Variants in CLCA4 observed in about 807,000 individuals in gnomAD.
CLCA4 encodes calcium-activated chloride channel regulator 4.
A neutral mutation model predicts 78.9 loss-of-function variants in CLCA4; 69 were observed. The observed-to-expected ratio is 0.87, with a 90% confidence interval of 0.72 to 1.07. CLCA4 has a LOEUF of 1.07. Among genes scored for constraint, CLCA4 ranks in the 50% least tolerant of loss-of-function variants. CLCA4 has a pLI of 0.00. For synonymous variants in CLCA4, 362 were observed against 375.8 expected, an observed-to-expected ratio of 0.96 and a Z score of 0.42; for missense variants, 1,133 against 1,095.8, an observed-to-expected ratio of 1.03 and a Z score of -0.48.
In CLCA4 at chr1:86,563,713, G is replaced by A. The variant is rs933481653; in HGVS notation, c.501G>A (p.Glu167=). 4 of 1,610,218 alleles carry A rather than the reference G, an allele frequency of 2.5e-6. No homozygotes were observed. The highest frequency in any genetic ancestry group is 3.4e-6 in the Non-Finnish European group (4 of 1,177,882). The part of the protein sequence containing the change: ...WAHLRWGVFD[E]YNEDQPFYRA... Reference sequence around the variant, plus strand: ...ACCTCCGGTGGGGAGTGTTTGATGAGTACAATGAAGATCAGCCTTTCTACC... The same window carrying A: ...ACCTCCGGTGGGGAGTGTTTGATGAATACAATGAAGATCAGCCTTTCTACC... The change falls in exon 4 of 14, where the codon GAG becomes GAA. Residue 167 remains glutamate, a synonymous_variant. Transcript: ENST00000370563.
chr1:86,550,802 T>C (rs1256436117), intron 1 of CLCA4, among the ~76,000 whole-genome samples: 1 of 150,048 alleles, frequency 6.7e-6, no homozygotes, highest in Admixed American at 6.6e-5. Context: ...TATTTCCTCA[T>C]GAGATAATAA....
Position 86,565,849 on chromosome 1 carries a change from C to G in CLCA4, c.783C>G (p.Ser261Arg). The change falls in exon 6 of 14, where the codon AGC (serine) becomes AGG (arginine). Residue 261 changes from serine to arginine, a missense_variant. Transcript: ENST00000370563. ...NEKTHNQEAP[S>R]LQNIKCNFRS... ...AAACCCATAATCAAGAAGCTCCAAG[C>G]CTACAAAACATAAAGTGCAATTTTA... 1 of 1,594,374 alleles carries G rather than the reference C, an allele frequency of 6.3e-7. No individual in the cohort carries two copies. The highest frequency in any genetic ancestry group is 8.6e-7 in the Non-Finnish European group (1 of 1,169,074).
rs575032380 is a variant in CLCA4, at chr1:86,558,250, A to G, written c.160-1682A>G. Reference sequence around the variant, plus strand: ...CTTGTCATTGTTTTGTTGGCTAGATATTATGTTGACTTGTTTGAGTGACAC... The same window carrying G: ...CTTGTCATTGTTTTGTTGGCTAGATGTTATGTTGACTTGTTTGAGTGACAC... On this transcript the variant is annotated intron_variant, in intron 1 of 13. Transcript: ENST00000370563. 2.6e-5 allele frequency among the ~76,000 whole-genome samples: 4 copies of G among 152,228 alleles called. No individual in the cohort carries two copies. The East Asian group carries it at 7.7e-4, about 29-fold the overall frequency.
At chr1:86,569,107 GT>G (rs1330424249) in intron 7 of CLCA4, among the ~76,000 whole-genome samples, 2 of 152,150 alleles carry the variant, frequency 1.3e-5, no homozygotes, top group Admixed American at 1.3e-4. Context: ...ATGTATATAA[GT>G]GGGGAACAGA....
At position 86,569,068 on chromosome 1, in the gene CLCA4, C is replaced by T. The variant is rs1391860782; in HGVS notation, c.1182+1417C>T. ...TATGAACATGCTTTAATCTATTCAC[C>T]AAGCAAAGCTTTTTCACTCTTATGG... On this transcript the variant is annotated intron_variant, in intron 7 of 13. Coordinates refer to ENST00000370563, the MANE Select transcript of CLCA4 (RefSeq NM_012128.4). Among the ~76,000 whole-genome samples, 5 of 151,918 alleles carry T rather than the reference C, an allele frequency of 3.3e-5. 1 individual carries two copies. The highest frequency in any genetic ancestry group is 7.4e-5 in the Non-Finnish European group (5 of 67,916).
At chr1:86,551,511 T>TG (rs1649662314) in intron 1 of CLCA4, among the ~76,000 whole-genome samples, 1 of 152,180 alleles carries the variant, frequency 6.6e-6, no homozygotes, top group Admixed American at 6.5e-5. Flanking sequence ...GCTCACTCCC[T>TG]GAGGCAGCAC....
At position 86,553,241 on chromosome 1, in the gene CLCA4, C is replaced by A. The variant is rs1017738212; in HGVS notation, c.159+5963C>A. On this transcript the variant is annotated intron_variant, in intron 1 of 13. Transcript: ENST00000370563. The stretch of plus-strand genomic sequence containing the variant: ...CCAGGGACATGTCCAAGAGGGACTG[C>A]CGCTGCAAGCTGTACGAGGACACGG... The A allele has an allele frequency of 1.3e-5, 13 of 997,288 alleles. No homozygotes were observed. In the South Asian group the frequency reaches 1.6e-4, roughly 12 times the overall value. 61.8% of individuals were successfully genotyped at this position (997,288 alleles called of 1,614,324 possible).
intron 3 of CLCA4, among the ~76,000 whole-genome samples, chr1:86,563,141 T>A (rs543246195): frequency 1.7e-4 from 26 of 151,994 alleles, no homozygotes; most frequent in African/African-American, 5.1e-4. Context: ...ATTAAAAAAA[T>A]TTTTTATTTG....
At chr1:86,564,977 A>G (rs755039637) in intron 4 of CLCA4, among the ~76,000 whole-genome samples, 4 of 152,092 alleles carry the variant, frequency 2.6e-5, no homozygotes, top group Non-Finnish European at 5.9e-5. Flanking sequence ...TTTACCACCA[A>G]AAGTCCAGCA....
intron 1 of CLCA4, chr1:86,553,029 C>A (rs1305471007): frequency 3.2e-6 from 2 of 633,408 alleles, no homozygotes; most frequent in African/African-American, 1.8e-5. Flanking sequence ...CCCCCTCCTG[C>A]TCCCACGCCG....
chr1:86,579,904 C>A (rs2231603), intron 13 of CLCA4, 38 bp from the exon 14 acceptor site: 2 of 1,293,484 alleles, frequency 1.5e-6, no homozygotes, highest in Admixed American at 4.4e-5. Context: ...ATATGCTATG[C>A]TGCAGTCTCT....
At chr1:86,552,731 C>A (rs1649703668) in intron 1 of CLCA4, 2 of 1,432,766 alleles carry the variant, frequency 1.4e-6, no homozygotes, top group Admixed American at 3.4e-5. Context: ...TTCACAGGGG[C>A]CCGGCCCGGC....
intron 8 of CLCA4, among the ~76,000 whole-genome samples, 158 bp from the exon 9 acceptor site, chr1:86,572,456 G>A (rs1260829347): frequency 1.3e-5 from 2 of 151,910 alleles, no homozygotes; most frequent in Admixed American, 6.6e-5. Context: ...ATTTTAAAAT[G>A]AGCATTTCAG....
intron 1 of CLCA4, among the ~76,000 whole-genome samples, chr1:86,552,233 A>G (rs1249686397): frequency 6.6e-6 from 1 of 152,206 alleles, no homozygotes; most frequent in Admixed American, 6.5e-5. Flanking sequence ...AAGACAAAAT[A>G]TTGCCCAAAA....
chr1:86,579,395 G>A lies in CLCA4; in HGVS notation c.2164G>A (p.Asp722Asn). The part of the protein sequence containing the change: ...ANPPRPEIDE[D>N]TQTTLEDFSR... ...CCCGCCAAGACCTGAAATTGATGAG[G>A]ATACTCAGACCACCTTGGAGGATTT... The change falls in exon 13 of 14, where the codon GAT (aspartate) becomes AAT (asparagine). Residue 722 changes from aspartate (D) to asparagine (N), a missense_variant. Transcript: ENST00000370563. 6.2e-7 allele frequency: 1 copy of A among 1,613,220 alleles called. No individual in the cohort carries two copies. Among genetic ancestry groups the A allele is most frequent in the Non-Finnish European group, 8.5e-7 (1 of 1,179,484 alleles).
chr1:86,552,200 A>G (rs1164015420), intron 1 of CLCA4, among the ~76,000 whole-genome samples: 1 of 152,244 alleles, frequency 6.6e-6, no homozygotes, highest in Non-Finnish European at 1.5e-5. Flanking sequence ...ATAAGGTATA[A>G]AAAGTTTAAA....
At position 86,580,341 on chromosome 1, in the gene CLCA4, T is replaced by C. The variant is rs1178086894; in HGVS notation, c.2756T>C (p.Ile919Thr). ...GTTAACTTTATTTTAAGTACCACCA[T>C]TTGAACCTTAACGAAGAAAAAAATC... ...VIVNFILSTT[I>T] The change falls in exon 14 of 14, where the codon ATT becomes ACT. Residue 919 changes from isoleucine to threonine, a missense_variant. By Grantham distance (89) the Ile-to-Thr change is moderately conservative. Coordinates refer to ENST00000370563, the MANE Select transcript of CLCA4 (RefSeq NM_012128.4). The C allele has an allele frequency of 1.3e-6, 2 of 1,571,682 alleles. No homozygotes were observed. Among genetic ancestry groups the C allele is most frequent in the Admixed American group, 1.9e-5 (1 of 51,420 alleles).
At chr1:86,570,410 CT>C (rs1236995343) in intron 7 of CLCA4, among the ~76,000 whole-genome samples, 1 of 151,982 alleles carries the variant, frequency 6.6e-6, no homozygotes, top group Non-Finnish European at 1.5e-5. Context: ...GAGTTTCAAA[CT>C]GTTTGGCATT....
Position 86,553,069 on chromosome 1 carries a change from T to C in CLCA4, c.159+5791T>C, listed in dbSNP as rs1366782892. ...GCACAGAATCTCCATGAAGACCAAG[T>C]GGTCCAGCGGCGCCCACCCTGCAGC... On this transcript the variant is annotated intron_variant, in intron 1 of 13. Coordinates refer to ENST00000370563, the MANE Select transcript of CLCA4 (RefSeq NM_012128.4). 8 of 671,656 alleles carry C rather than the reference T, an allele frequency of 1.2e-5. No homozygotes were observed. The East Asian group carries it at 1.8e-4, about 15-fold the overall frequency. 41.6% of individuals were successfully genotyped at this position (671,656 alleles called of 1,614,324 possible).
Sources: allele counts gnomAD v4.1 joint callset (sites outside exome capture counted in the v4.1 genomes callset), GRCh38; gene constraint gnomAD v4.1.1; transcripts MANE v1.5; gene names NCBI Gene and HGNC (gene_info 2026-07-23, HGNC 2026-07-21).